Variants in PPIL6 observed in about 807,000 individuals in gnomAD.
PPIL6 encodes peptidylprolyl isomerase like 6.
Under a neutral mutation model 36.8 loss-of-function variants are expected in PPIL6, and 39 were observed. The ratio of observed to expected loss-of-function variants is 1.06; its 90% confidence interval spans 0.82 to 1.38. PPIL6 has a LOEUF of 1.38. Ranked by LOEUF, PPIL6 falls within the 40% of genes most tolerant of loss-of-function variation. The pLI, the probability that PPIL6 is intolerant of heterozygous loss-of-function variation, is 0.00. For missense variants in PPIL6, 368 were observed against 379.1 expected, an observed-to-expected ratio of 0.97 and a Z score of 0.24; for synonymous variants, 123 against 134.1, an observed-to-expected ratio of 0.92 and a Z score of 0.57.
intron 3 of PPIL6, among the ~76,000 whole-genome samples, chr6:109,427,537 C>T (rs1383922327): frequency 6.6e-6 from 1 of 152,086 alleles, no homozygotes; most frequent in African/African-American, 2.4e-5. Flanking sequence ...ACATGCACCA[C>T]CACCAGGCCC....
intron 3 of PPIL6, among the ~76,000 whole-genome samples, chr6:109,427,445 A>G (rs1470457323): frequency 6.6e-6 from 1 of 152,088 alleles, no homozygotes; most frequent in East Asian, 1.9e-4. Flanking sequence ...GTGTAGTGGC[A>G]CCATCTTGGC....
At chr6:109,432,653 G>C (rs948109656) in intron 2 of PPIL6, among the ~76,000 whole-genome samples, 1 of 152,022 alleles carries the variant, frequency 6.6e-6, no homozygotes, top group African/African-American at 2.4e-5. Flanking sequence ...TTGGAGATGA[G>C]GTCTCACTAT....
intron 7 of PPIL6, among the ~76,000 whole-genome samples, chr6:109,397,947 A>C (rs1380955306): frequency 1.3e-5 from 2 of 150,802 alleles, no homozygotes; most frequent in Non-Finnish European, 2.9e-5. Flanking sequence ...ACTGGAGTGC[A>C]GTGGTGCGAT....
At chr6:109,429,104 T>C (rs1340613976) in intron 3 of PPIL6, among the ~76,000 whole-genome samples, 1 of 152,200 alleles carries the variant, frequency 6.6e-6, no homozygotes, top group Non-Finnish European at 1.5e-5. Context: ...AACAAATCCC[T>C]GGGTTTTATT....
At chr6:109,427,813 C>A (rs945784645) in intron 3 of PPIL6, among the ~76,000 whole-genome samples, 2 of 152,174 alleles carry the variant, frequency 1.3e-5, no homozygotes, top group African/African-American at 2.4e-5. Flanking sequence ...AATAGCCACA[C>A]CTAGTGTGGG....
chr6:109,399,592 G>A (rs144514100), intron 7 of PPIL6, among the ~76,000 whole-genome samples: 2,660 of 152,234 alleles, frequency 0.017, 73 homozygotes, highest in African/African-American at 0.06. Context: ...TAGTAGAGAC[G>A]GGGTTTTACC....
intron 5 of PPIL6, among the ~76,000 whole-genome samples, chr6:109,423,981 T>G (rs1773683711): frequency 6.6e-6 from 1 of 152,176 alleles, no homozygotes; most frequent in Admixed American, 6.6e-5. Context: ...AGATAAAAAT[T>G]TCTGCCCCCA....
intron 6 of PPIL6, among the ~76,000 whole-genome samples, chr6:109,407,206 G>GAGTTTAAA (rs1430895688): frequency 6.6e-6 from 1 of 151,712 alleles, no homozygotes; most frequent in Non-Finnish European, 1.5e-5. Flanking sequence ...GATACTTCTT[G>GAGTTTAAA]AGTTTAAAGT....
chr6:109,414,785 T>G (rs562364484), intron 6 of PPIL6, among the ~76,000 whole-genome samples: 15 of 152,232 alleles, frequency 9.9e-5, no homozygotes, highest in South Asian at 6.2e-4. Flanking sequence ...CACCAACCCC[T>G]CGGAGCAGTC....
intron 3 of PPIL6, among the ~76,000 whole-genome samples, chr6:109,429,106 G>A (rs895887233): frequency 6.6e-6 from 1 of 151,988 alleles, no homozygotes; most frequent in Non-Finnish European, 1.5e-5. Flanking sequence ...CAAATCCCTG[G>A]GTTTTATTCA....
At chr6:109,436,612 T>C (rs1351922198) in intron 1 of PPIL6, among the ~76,000 whole-genome samples, 2 of 152,018 alleles carry the variant, frequency 1.3e-5, no homozygotes, top group South Asian at 2.1e-4. Context: ...TCCCAGCTAC[T>C]TGGGAGGCTG....
intron 6 of PPIL6, chr6:109,405,114 A>G: frequency 2.8e-6 from 1 of 359,980 alleles, no homozygotes; most frequent in Non-Finnish European, 5.3e-6. Flanking sequence ...ATATAGACAC[A>G]AAAAGCCACA....
At chr6:109,432,046 G>C (rs1562273425) in intron 2 of PPIL6, among the ~76,000 whole-genome samples, 1 of 152,072 alleles carries the variant, frequency 6.6e-6, no homozygotes, top group Non-Finnish European at 1.5e-5. Flanking sequence ...TGGTAATCTG[G>C]TAACAAAAAT....
intron 3 of PPIL6, among the ~76,000 whole-genome samples, chr6:109,430,584 G>A (rs778654448): frequency 1.4e-4 from 22 of 152,078 alleles, no homozygotes; most frequent in Admixed American, 5.9e-4. Flanking sequence ...ACGCCACCAC[G>A]CCCAGCTAAT....
chr6:109,438,339 G>A (rs533189764), intron 1 of PPIL6, among the ~76,000 whole-genome samples: 30 of 151,878 alleles, frequency 2.0e-4, no homozygotes, highest in African/African-American at 6.0e-4. Context: ...CCAGCACTTC[G>A]GGAGGTCGAG....
At chr6:109,411,053 T>G (rs1356211503) in intron 6 of PPIL6, among the ~76,000 whole-genome samples, 1 of 152,124 alleles carries the variant, frequency 6.6e-6, no homozygotes, top group Admixed American at 6.5e-5. Flanking sequence ...CCCAACTCCC[T>G]AGGAAGTCAC....
At chr6:109,434,832 T>A (rs1774358012) in intron 2 of PPIL6, among the ~76,000 whole-genome samples, 1 of 152,166 alleles carries the variant, frequency 6.6e-6, no homozygotes, top group Admixed American at 6.5e-5. Context: ...AGGATATTGC[T>A]AAGCCAGGAT....
At chr6:109,440,639 G>C (rs1337245878), upstream of PPIL6, 1 of 1,187,612 alleles carries the variant, frequency 8.4e-7, no homozygotes, top group Non-Finnish European at 1.0e-6. Flanking sequence ...GCGTCGCTCC[G>C]GCAACCGCGC....
Position 109,440,562 on chromosome 6 carries a change from G to C in PPIL6, c.29C>G (p.Pro10Arg). 1 of 1,461,326 alleles carries C rather than the reference G, an allele frequency of 6.8e-7. No homozygotes were observed. The highest frequency in any genetic ancestry group is 9.0e-7 in the Non-Finnish European group (1 of 1,109,082). The allele number at this position is 1,461,326 out of a possible 1,614,324, so 90.5% of individuals were successfully genotyped here. Residue 10 changes from proline to arginine, a missense_variant, in exon 1 of 8, where the codon CCG becomes CGG. Physicochemically the swap from Pro to Arg is moderately radical, Grantham distance 103. Transcript: ENST00000521072. ...CGACGGCGAGCCGCACCTAGCGTGC[G>C]GGGGCCCGCACGGCTGCGGCCTTGC... The part of the protein sequence containing the change: MARPQPCGP[P>R]HARCGSPSLP...
Sources: gnomAD v4.1 joint callset for allele counts (sites outside exome capture counted in the v4.1 genomes callset) on GRCh38, gnomAD v4.1.1 for gene constraint, MANE v1.5 for transcripts, NCBI Gene and HGNC (gene_info 2026-07-23, HGNC 2026-07-21) for gene names.